PDE7B: variants seen among roughly 807,000 people sequenced by gnomAD.
PDE7B encodes phosphodiesterase 7B, also known as 3',5'-cyclic-AMP phosphodiesterase 7B.
A neutral mutation model predicts 56.2 loss-of-function variants in PDE7B; 29 were observed. That is an observed-to-expected ratio of 0.52 (90% confidence interval 0.38 to 0.70). The LOEUF (loss-of-function observed/expected upper bound fraction) is 0.70, where lower values mean the gene tolerates loss of function less well. Among genes scored for constraint, PDE7B ranks in the 30% least tolerant of loss-of-function variants. PDE7B has a pLI of 0.00. For missense variants in PDE7B, 490 were observed against 565.0 expected (o/e 0.87, Z 1.35); for synonymous variants, 197 against 196.9 (o/e 1.00, Z 0.00).
chr6:136,119,339 T>A (rs1777890494), intron 3 of PDE7B, among the ~76,000 whole-genome samples: 1 of 152,214 alleles, frequency 6.6e-6, no homozygotes, highest in African/African-American at 2.4e-5. Context: ...TTTTCTATTT[T>A]TTTCCTACTG....
intron 4 of PDE7B, among the ~76,000 whole-genome samples, chr6:136,148,460 G>C (rs1219859220): frequency 6.9e-6 from 1 of 145,500 alleles, no homozygotes; most frequent in Non-Finnish European, 1.5e-5. Flanking sequence ...AGGGAGGGAG[G>C]GAAGGAAGGA....
At chr6:135,985,968 G>T (rs768680325) in intron 2 of PDE7B, among the ~76,000 whole-genome samples, 1 of 152,086 alleles carries the variant, frequency 6.6e-6, no homozygotes, top group African/African-American at 2.4e-5. Context: ...CTCCCAGCCC[G>T]CTGCTAATAA....
chr6:135,926,443 T>A (rs9494422), intron 1 of PDE7B, among the ~76,000 whole-genome samples: 44,957 of 151,402 alleles, frequency 0.3, 6,813 homozygotes, highest in South Asian at 0.43. Context: ...CAAGGAAATA[T>A]GATTAGAGGA....
At chr6:135,916,284 A>G (rs1268997670) in intron 1 of PDE7B, among the ~76,000 whole-genome samples, 6 of 142,554 alleles carry the variant, frequency 4.2e-5, no homozygotes, top group African/African-American at 1.1e-4. Context: ...TTTAATTTAT[A>G]TTTTTCTGAT....
chr6:135,900,206 G>T (rs1330564800), intron 1 of PDE7B, among the ~76,000 whole-genome samples: 1 of 151,910 alleles, frequency 6.6e-6, no homozygotes, highest in African/African-American at 2.4e-5. Flanking sequence ...TATCTCGGGG[G>T]CACAGTGAGC....
intron 11 of PDE7B, among the ~76,000 whole-genome samples, chr6:136,185,303 A>T (rs1459359923): frequency 6.6e-6 from 1 of 152,158 alleles, no homozygotes; most frequent in Non-Finnish European, 1.5e-5. Flanking sequence ...AAGTGCAGAC[A>T]CTTTGAAGCC....
chr6:136,082,609 C>T (rs910412297), intron 2 of PDE7B, among the ~76,000 whole-genome samples: 5 of 152,136 alleles, frequency 3.3e-5, no homozygotes, highest in South Asian at 2.1e-4. Flanking sequence ...CCAAATGCCT[C>T]GGCTATGAAT....
intron 1 of PDE7B, among the ~76,000 whole-genome samples, chr6:135,877,104 G>A (rs1431336764): frequency 1.3e-5 from 2 of 151,604 alleles, no homozygotes; most frequent in African/African-American, 4.9e-5. Context: ...CTATTTCAGT[G>A]TCCATTCTTT....
At chr6:136,106,943 TC>T (rs563638680) in intron 2 of PDE7B, among the ~76,000 whole-genome samples, 76 of 152,332 alleles carry the variant, frequency 5.0e-4, no homozygotes, top group African/African-American at 1.8e-3. Context: ...CTATTCCTCT[TC>T]CTCTCACTTT....
intron 2 of PDE7B, among the ~76,000 whole-genome samples, chr6:136,043,075 C>A (rs796803514): frequency 1.1e-4 from 17 of 152,290 alleles, no homozygotes; most frequent in African/African-American, 3.9e-4. Context: ...TCATTCAAAG[C>A]AGGACAAATT....
chr6:136,179,209 C>G, intron 10 of PDE7B, 68 bp downstream of exon 10: 2 of 1,449,712 alleles, frequency 1.4e-6, no homozygotes, highest in Middle Eastern at 3.5e-4. Flanking sequence ...GGTGTGGTGG[C>G]TCACATCTGT....
At chr6:135,885,586 A>T (rs922894169) in intron 1 of PDE7B, among the ~76,000 whole-genome samples, 3 of 152,196 alleles carry the variant, frequency 2.0e-5, no homozygotes, top group African/African-American at 7.2e-5. Flanking sequence ...CAAATGAAAA[A>T]TACACACATT....
intron 2 of PDE7B, among the ~76,000 whole-genome samples, chr6:136,086,861 C>T (rs1777301593): frequency 6.6e-6 from 1 of 152,176 alleles, no homozygotes; most frequent in African/African-American, 2.4e-5. Context: ...GACGGAGCAG[C>T]TGCTTCGGAA....
intron 2 of PDE7B, among the ~76,000 whole-genome samples, chr6:135,963,396 C>T (rs1774941896): frequency 6.6e-6 from 1 of 152,152 alleles, no homozygotes; most frequent in East Asian, 1.9e-4. Flanking sequence ...AGTTAGTTTA[C>T]TTTCACTGTT....
intron 2 of PDE7B, among the ~76,000 whole-genome samples, chr6:135,960,637 T>C (rs533572121): frequency 4.6e-5 from 7 of 152,320 alleles, no homozygotes; most frequent in Admixed American, 2.0e-4. Flanking sequence ...TTCTGAGAAA[T>C]GTCTAGTTTT....
chr6:136,063,617 C>T (rs1220560380), intron 2 of PDE7B, among the ~76,000 whole-genome samples: 2 of 152,208 alleles, frequency 1.3e-5, no homozygotes, highest in South Asian at 2.1e-4. Flanking sequence ...GAAATCTTCC[C>T]GTGGCTCCCA....
rs3220309 is a variant in PDE7B at position 135,994,116 on chromosome 6, CTGTGTGTGTGTGTG to C, written c.82+46628_82+46641del. Among the ~76,000 whole-genome samples the C allele has an allele frequency of 6.7e-3, 928 of 138,718 alleles. 4 individuals are homozygous for C. The highest frequency in any genetic ancestry group is 0.02 in the African/African-American group (730 of 36,826). 91.0% of individuals were successfully genotyped at this position (138,718 alleles called of 152,430 possible). Reference sequence around the variant, plus strand: ...AAAGTTGCCTGTTCTTGTATTGGATCTGTGTGTGTGTGTGTGTGTGTGTGTGTGTGTGTGTGTGT... The same window carrying C: ...AAAGTTGCCTGTTCTTGTATTGGATCTGTGTGTGTGTGTGTGTGTGTGTGT... On this transcript the variant is annotated intron_variant, in intron 2 of 12. Coordinates refer to ENST00000308191, the MANE Select transcript of PDE7B (RefSeq NM_018945.4).
intron 2 of PDE7B, among the ~76,000 whole-genome samples, chr6:136,079,168 A>C (rs1375128169): frequency 1.3e-5 from 2 of 152,104 alleles, no homozygotes; most frequent in Non-Finnish European, 2.9e-5. Flanking sequence ...TATCACTTTC[A>C]CATCATCATA....
At position 136,108,125 on chromosome 6, in the gene PDE7B, CAAAAAAAAA is replaced by C. The variant is rs60727586; in HGVS notation, c.83-596_83-588del. Among the ~76,000 whole-genome samples the C allele has an allele frequency of 8.1e-3, 878 of 108,654 alleles. 6 individuals are homozygous for C. Among genetic ancestry groups the C allele is most frequent in the Admixed American group, 0.011 (114 of 9,926 alleles). 71.3% of individuals were successfully genotyped at this position (108,654 alleles called of 152,430 possible). A position where few individuals can be genotyped will look rare whatever the true frequency, so the allele number is the denominator to read the frequency against. ...CTGGCAACAAAGCGAGACTCCATGT[CAAAAAAAAA>C]AAAAAAAAAGAAAGAAATATATATA... On this transcript the variant is annotated intron_variant, in intron 2 of 12. Coordinates refer to ENST00000308191, the MANE Select transcript of PDE7B (RefSeq NM_018945.4).
Sources: allele counts gnomAD v4.1 joint callset (sites outside exome capture counted in the v4.1 genomes callset), GRCh38; gene constraint gnomAD v4.1.1; transcripts MANE v1.5; gene names NCBI Gene and HGNC (gene_info 2026-07-23, HGNC 2026-07-21).